The following RMST variants were observed in gnomAD, a reference collection of about 807,000 sequenced individuals.
The protein encoded by RMST is rhabdomyosarcoma 2 associated transcript.
At chr12:97,508,194 G>GTTATC (rs1483306705) in intron 10 of RMST, among the ~76,000 whole-genome samples, 1 of 152,184 alleles carries the variant, frequency 6.6e-6, no homozygotes, top group Non-Finnish European at 1.5e-5. Flanking sequence ...GAAATAAAAT[G>GTTATC]TTATCTATAA....
intron 10 of RMST, among the ~76,000 whole-genome samples, chr12:97,503,024 G>C (rs1201159724): frequency 2.0e-5 from 3 of 152,060 alleles, no homozygotes; most frequent in Admixed American, 6.6e-5. Flanking sequence ...TCCATGTCAT[G>C]TTCCTTGTGT....
At chr12:97,523,479 T>A (rs1043704125) in intron 10 of RMST, among the ~76,000 whole-genome samples, 4 of 152,194 alleles carry the variant, frequency 2.6e-5, no homozygotes, top group African/African-American at 9.7e-5. Context: ...ATTTTGAATG[T>A]TCTCACCTCA....
At position 97,538,403 on chromosome 12, in the gene RMST, A is replaced by G. The variant is rs186451458; in HGVS notation, n.1545+7544A>G. Reference sequence around the variant, plus strand: ...AAGGTTTTTCTTGAAAGAAAGCGTTAATCTTTACTTTCTGCTGTGGCACTC... The same window carrying G: ...AAGGTTTTTCTTGAAAGAAAGCGTTGATCTTTACTTTCTGCTGTGGCACTC... On this transcript the variant is annotated intron_variant and non_coding_transcript_variant, in intron 11 of 13. Transcript: ENST00000640149. Among the ~76,000 whole-genome samples, 760 of 151,508 alleles carry G rather than the reference A, an allele frequency of 5.0e-3. 4 individuals are homozygous for G. Among genetic ancestry groups the G allele is most frequent in the Admixed American group, 0.011 (166 of 15,156 alleles).
At chr12:97,494,253 A>G (rs910558539) in intron 8 of RMST, among the ~76,000 whole-genome samples, 1 of 152,208 alleles carries the variant, frequency 6.6e-6, no homozygotes, top group Non-Finnish European at 1.5e-5. Flanking sequence ...GTTAATTTTT[A>G]TAATGAATTT....
intron 11 of RMST, among the ~76,000 whole-genome samples, chr12:97,553,956 T>A (rs1883500951): frequency 6.8e-6 from 1 of 147,568 alleles, no homozygotes. Flanking sequence ...TCTCTTTTTT[T>A]TTTTTTTTTT....
At chr12:97,519,541 A>G (rs929761133) in intron 10 of RMST, among the ~76,000 whole-genome samples, 23 of 152,196 alleles carry the variant, frequency 1.5e-4, no homozygotes, top group Non-Finnish European at 1.5e-5. Context: ...ATTTTATTTG[A>G]AATTTAATGT....
chr12:97,513,855 G>A (rs375298254), intron 10 of RMST, among the ~76,000 whole-genome samples: 1 of 152,124 alleles, frequency 6.6e-6, no homozygotes, highest in Admixed American at 6.5e-5. Flanking sequence ...TATAGGTTAT[G>A]TCCAGAAAAG....
intron 10 of RMST, among the ~76,000 whole-genome samples, chr12:97,522,066 C>T (rs1880571767): frequency 6.6e-6 from 1 of 152,062 alleles, no homozygotes. Context: ...ATGATCTGGC[C>T]TCTTTTGCAT....
intron 5 of RMST, among the ~76,000 whole-genome samples, chr12:97,481,617 T>C (rs182065093): frequency 1.0e-3 from 152 of 152,134 alleles, no homozygotes; most frequent in African/African-American, 3.2e-3. Context: ...AAGAGTGAGG[T>C]TTATTTTTTG....
Position 97,512,822 on chromosome 12 carries a change from G to T in RMST, n.1340+16766G>T, listed in dbSNP as rs148934402. On this transcript the variant is annotated intron_variant and non_coding_transcript_variant, in intron 10 of 13. Coordinates refer to ENST00000640149, the Ensembl canonical transcript of RMST. ...CCTTGGGTGGTCGATGGGACTGGGC[G>T]CAGTGGAGCAGGGGGCGGCGTGTCG... Among the ~76,000 whole-genome samples the T allele has an allele frequency of 3.7e-4, 56 of 151,566 alleles. 2 individuals carry two copies. The East Asian group carries it at 0.01, about 27-fold the overall frequency.
chr12:97,541,096 A>G (rs1445967324), intron 11 of RMST: 1 of 151,646 alleles, frequency 6.6e-6, no homozygotes, highest in African/African-American at 2.4e-5. Flanking sequence ...CTGGAAGTAT[A>G]TAGTACATAC....
intron 5 of RMST, among the ~76,000 whole-genome samples, chr12:97,470,920 A>G (rs1873835104): frequency 6.6e-6 from 1 of 152,138 alleles, no homozygotes; most frequent in Admixed American, 6.6e-5. Flanking sequence ...TTTCAATAAA[A>G]GCCGAATTCA....
chr12:97,556,933 A>T (rs2136664128), intron 11 of RMST, among the ~76,000 whole-genome samples: 1 of 151,650 alleles, frequency 6.6e-6, no homozygotes, highest in South Asian at 2.1e-4. Flanking sequence ...ACAACACTGT[A>T]TTTTTTTTTC....
At chr12:97,555,426 A>AAAATCC (rs1883633603) in intron 11 of RMST, among the ~76,000 whole-genome samples, 1 of 152,226 alleles carries the variant, frequency 6.6e-6, no homozygotes, top group Non-Finnish European at 1.5e-5. Flanking sequence ...CACTTGGATT[A>AAAATCC]AAATCCAACA....
At chr12:97,483,643 T>C (rs1236892409) in intron 5 of RMST, among the ~76,000 whole-genome samples, 1 of 152,210 alleles carries the variant, frequency 6.6e-6, no homozygotes, top group Non-Finnish European at 1.5e-5. Flanking sequence ...TTATGACTTA[T>C]ATCTCCTTTG....
At chr12:97,539,695 A>G (rs375422617) in intron 11 of RMST, among the ~76,000 whole-genome samples, 3 of 151,782 alleles carry the variant, frequency 2.0e-5, no homozygotes, top group Middle Eastern at 3.4e-3. Flanking sequence ...CTTGACACAC[A>G]TGAGCATTTC....
At chr12:97,488,121 A>C (rs1306058717) in intron 5 of RMST, among the ~76,000 whole-genome samples, 1 of 152,134 alleles carries the variant, frequency 6.6e-6, no homozygotes, top group Non-Finnish European at 1.5e-5. Context: ...ACAGTGGGTC[A>C]CACATGTAAT....
At chr12:97,518,939 A>T (rs897101931) in intron 10 of RMST, among the ~76,000 whole-genome samples, 16 of 126,430 alleles carry the variant, frequency 1.3e-4, no homozygotes, top group Admixed American at 9.6e-4. Flanking sequence ...TCAGCTAATT[A>T]AAAAAAAAAA....
intron 11 of RMST, among the ~76,000 whole-genome samples, chr12:97,555,825 A>G (rs1883667913): frequency 6.6e-6 from 1 of 152,200 alleles, no homozygotes; most frequent in African/African-American, 2.4e-5. Flanking sequence ...AATTGCATCC[A>G]ACTGTCTCGG....
Sources: allele counts gnomAD v4.1 joint callset (sites outside exome capture counted in the v4.1 genomes callset), GRCh38; gene constraint gnomAD v4.1.1; transcripts MANE v1.5; gene names NCBI Gene and HGNC (gene_info 2026-07-23, HGNC 2026-07-21).